Variants in TLCD4 observed in about 807,000 individuals in gnomAD.
The protein encoded by TLCD4 is TLC domain containing 4, also known as TLC domain-containing protein 4.
A neutral mutation model predicts 24.2 loss-of-function variants in TLCD4; 7 were observed. That is an observed-to-expected ratio of 0.29 (90% confidence interval 0.16 to 0.54). The LOEUF is 0.54. Ranked by LOEUF, TLCD4 falls within the 20% of genes least tolerant of loss-of-function variation. TLCD4 has a pLI of 0.95. For missense variants in TLCD4, 259 were observed against 313.9 expected, an observed-to-expected ratio of 0.82 and a Z score of 1.32; for synonymous variants, 103 against 106.4, an observed-to-expected ratio of 0.97 and a Z score of 0.20.
chr1:95,131,369 A>G (rs1198800072), intron 1 of TLCD4, among the ~76,000 whole-genome samples: 2 of 152,222 alleles, frequency 1.3e-5, no homozygotes, highest in Non-Finnish European at 2.9e-5. Context: ...GGAAGAAGGG[A>G]ACATGGCATC....
intron 6 of TLCD4, 112 bp from the exon 7 acceptor site, chr1:95,191,438 C>G: frequency 7.4e-7 from 1 of 1,343,160 alleles, no homozygotes; most frequent in East Asian, 2.5e-5. Context: ...GTATGCTATT[C>G]TAGGCCCTTT....
intron 1 of TLCD4, among the ~76,000 whole-genome samples, chr1:95,123,121 C>A (rs754371291): frequency 6.6e-6 from 1 of 152,138 alleles, no homozygotes; most frequent in Non-Finnish European, 1.5e-5. Flanking sequence ...GGACATGATT[C>A]TTAAAACTAG....
chr1:95,122,470 C>T (rs1022955385), intron 1 of TLCD4, among the ~76,000 whole-genome samples: 4 of 152,174 alleles, frequency 2.6e-5, no homozygotes, highest in Non-Finnish European at 2.9e-5. Flanking sequence ...GTTGCAGCCT[C>T]CCCTTGACCT....
At chr1:95,175,715 T>G (rs1678396866) in intron 6 of TLCD4, among the ~76,000 whole-genome samples, 1 of 152,314 alleles carries the variant, frequency 6.6e-6, no homozygotes, top group Admixed American at 6.5e-5. Flanking sequence ...GTTCTTCTGA[T>G]AGTAGCCATT....
Position 95,192,604 on chromosome 1 carries a change from T to C in TLCD4, c.*736T>C, listed in dbSNP as rs1327759449. ...TTTGTTGTATGCACTCTTTTCTTAC[T>C]ATGGCTGTCAACACTTGTGTAGGGT... On this transcript the variant is annotated 3_prime_UTR_variant, in exon 7 of 7. Transcript: ENST00000370203. 1 of 152,232 alleles carries C rather than the reference T, an allele frequency of 6.6e-6. No homozygotes were observed. Among genetic ancestry groups the C allele is most frequent in the African/African-American group, 2.4e-5 (1 of 41,472 alleles). 9.4% of individuals were successfully genotyped at this position (152,232 alleles called of 1,614,324 possible). A position where few individuals can be genotyped will look rare whatever the true frequency, so the allele number is the denominator to read the frequency against.
chr1:95,094,703 C>A, the TLCD4 span, among the ~76,000 whole-genome samples: 1 of 152,100 alleles, frequency 6.6e-6, no homozygotes, highest in African/African-American at 2.4e-5. Flanking sequence ...CAGGTGAAAC[C>A]AGCAGAAGAA....
chr1:95,166,522 T>C (rs1352941931), intron 5 of TLCD4, among the ~76,000 whole-genome samples: 1 of 152,220 alleles, frequency 6.6e-6, no homozygotes, highest in Non-Finnish European at 1.5e-5. Context: ...TTATCTTTTA[T>C]AGTAAAATAG....
In TLCD4 at chr1:95,148,748, T is replaced by C. The variant is rs1304257784; in HGVS notation, c.202T>C (p.Tyr68His). The change falls in exon 3 of 7, where the codon TAC becomes CAC. Residue 68 changes from tyrosine to histidine, a missense_variant. Tyr to His is a moderately conservative substitution (Grantham distance 83, BLOSUM62 2). Transcript: ENST00000370203. The part of the protein sequence containing the change: ...HSLVVGIFGL[Y>H]IFLFDEATKA... ...TTTGGTGGTTGGTATTTTTGGCCTGTACATTTTCTTATTCGATGAGGCTAC... is the reference window on the plus strand; with the variant it reads ...TTTGGTGGTTGGTATTTTTGGCCTGCACATTTTCTTATTCGATGAGGCTAC... The C allele has an allele frequency of 1.2e-6, 2 of 1,613,802 alleles. No homozygotes were observed. Among genetic ancestry groups the C allele is most frequent in the Non-Finnish European group, 1.7e-6 (2 of 1,179,816 alleles).
chr1:95,095,732 G>GAAT, the TLCD4 span, among the ~76,000 whole-genome samples: 1 of 152,092 alleles, frequency 6.6e-6, no homozygotes, highest in Non-Finnish European at 1.5e-5. Context: ...TGTAAAATGA[G>GAAT]AATAATAAAA....
rs149217115 is a variant in TLCD4 at position 95,135,993 on chromosome 1, A to C, written c.-11-7898A>C. 6.3e-4 allele frequency among the ~76,000 whole-genome samples: 95 copies of C among 150,874 alleles called. No individual in the cohort carries two copies. The East Asian group carries it at 0.015, about 24-fold the overall frequency. On this transcript the variant is annotated intron_variant, in intron 1 of 6. Coordinates refer to ENST00000370203, the MANE Select transcript of TLCD4 (RefSeq NM_152487.3). Reference sequence around the variant, plus strand: ...GGCCTTGACCTCCCAAAGTGCTGGGATTACAGGCATGACCCACTGAGCCTG... The same window carrying C: ...GGCCTTGACCTCCCAAAGTGCTGGGCTTACAGGCATGACCCACTGAGCCTG...
At chr1:95,174,481 G>A (rs1678347044) in intron 6 of TLCD4, among the ~76,000 whole-genome samples, 1 of 148,838 alleles carries the variant, frequency 6.7e-6, no homozygotes, top group Non-Finnish European at 1.5e-5. Context: ...GACCAGCCTG[G>A]GTAACATTGT....
the TLCD4 span, among the ~76,000 whole-genome samples, chr1:95,111,546 G>A: frequency 6.6e-6 from 1 of 152,166 alleles, no homozygotes; most frequent in East Asian, 1.9e-4. Context: ...AAGGAAAAAG[G>A]GAATAGGAGA....
In TLCD4 at chr1:95,193,197, T is replaced by C. The variant is rs952691747; in HGVS notation, c.*1329T>C. 6.6e-6 allele frequency: 1 copy of C among 152,110 alleles called. No individual in the cohort carries two copies. The highest frequency in any genetic ancestry group is 2.4e-5 in the African/African-American group (1 of 41,440). The allele number at this position is 152,110 out of a possible 1,614,324, so 9.4% of individuals were successfully genotyped here. ...ACAATTCATACCCGTGCTTACTTAG[T>C]TGGCATTTTAGTGCTTTGAATTTCT... On this transcript the variant is annotated 3_prime_UTR_variant, in exon 7 of 7. Coordinates refer to ENST00000370203, the MANE Select transcript of TLCD4 (RefSeq NM_152487.3).
intron 1 of TLCD4, among the ~76,000 whole-genome samples, chr1:95,142,130 C>CTTTTTTTTTT (rs35609217): frequency 8.4e-6 from 1 of 119,284 alleles, no homozygotes; most frequent in African/African-American, 3.2e-5. Context: ...GCCTTAGTGC[C>CTTTTTTTTTT]TTTTTTTTTT....
intron 1 of TLCD4, among the ~76,000 whole-genome samples, chr1:95,121,920 T>G (rs532677755): frequency 1.3e-5 from 2 of 152,362 alleles, no homozygotes; most frequent in African/African-American, 2.4e-5. Context: ...CAACCAGCAA[T>G]TGTGAGTTAA....
chr1:95,165,465 G>GGT (rs776903610), intron 5 of TLCD4, among the ~76,000 whole-genome samples: 9 of 52,654 alleles, frequency 1.7e-4, no homozygotes, highest in East Asian at 5.7e-4. Context: ...GTGTGTGTGT[G>GGT]TGTTTTTTTT....
intron 6 of TLCD4, among the ~76,000 whole-genome samples, chr1:95,185,593 G>A (rs1268360901): frequency 2.0e-5 from 3 of 152,128 alleles, no homozygotes; most frequent in African/African-American, 7.2e-5. Context: ...CTTACTCAAG[G>A]CTAGTTAACG....
chr1:95,173,890 G>A lies in TLCD4; in HGVS notation c.473+1G>A. 3.1e-6 allele frequency: 5 copies of A among 1,614,018 alleles called. No individual in the cohort carries two copies. Among genetic ancestry groups the A allele is most frequent in the Non-Finnish European group, 4.2e-6 (5 of 1,179,990 alleles). On this transcript the variant is annotated splice_donor_variant, in intron 6 of 6. Transcript: ENST00000370203. LOFTEE classifies it high-confidence loss of function. ...TTTCCAGCCCGTTTGTGAATCAGCG[G>A]TATGTTACTGATATCATTGATTATT...
the TLCD4 span, among the ~76,000 whole-genome samples, chr1:95,096,638 T>C: frequency 6.6e-6 from 1 of 152,222 alleles, no homozygotes; most frequent in African/African-American, 2.4e-5. Context: ...TTACATTATA[T>C]AGTGTTTCAT....
Sources: allele counts gnomAD v4.1 joint callset (sites outside exome capture counted in the v4.1 genomes callset), GRCh38; gene constraint gnomAD v4.1.1; transcripts MANE v1.5; gene names NCBI Gene and HGNC (gene_info 2026-07-23, HGNC 2026-07-21).